Variants in ACTR3B observed in about 807,000 individuals in gnomAD.
ACTR3B encodes actin related protein 3B, also known as actin-related protein 3B.
Under a neutral mutation model 59.0 loss-of-function variants are expected in ACTR3B, and 8 were observed. The ratio of observed to expected loss-of-function variants is 0.14; its 90% confidence interval spans 0.08 to 0.24. The LOEUF is 0.24. Ranked by LOEUF, ACTR3B falls within the 10% of genes least tolerant of loss-of-function variation. The pLI is 1.00. For missense variants in ACTR3B, 245 were observed against 552.3 expected (o/e 0.44, Z 5.58); for synonymous variants, 148 against 197.9 (o/e 0.75, Z 2.12).
rs536432851 is a variant in ACTR3B, at chr7:152,807,326, A to G, written c.336+5595A>G. Among the ~76,000 whole-genome samples the G allele has an allele frequency of 3.0e-3, 462 of 152,122 alleles. 1 individual carries two copies. The highest frequency in any genetic ancestry group is 0.011 in the African/African-American group (444 of 41,500). ...TTTAATCTTTTTACCCATTTTTAAA[A>G]TGATTTTACACCCAATATTATACTC... On this transcript the variant is annotated intron_variant, in intron 4 of 11. Coordinates refer to ENST00000256001, the MANE Select transcript of ACTR3B (RefSeq NM_020445.6).
intron 9 of ACTR3B, among the ~76,000 whole-genome samples, chr7:152,846,195 G>C (rs1798259680): frequency 6.7e-6 from 1 of 149,544 alleles, no homozygotes; most frequent in Non-Finnish European, 1.5e-5. Flanking sequence ...GTAGTCTGTA[G>C]TGAGCCCCAG....
At chr7:152,807,159 G>A (rs1199421073) in intron 4 of ACTR3B, among the ~76,000 whole-genome samples, 1 of 152,056 alleles carries the variant, frequency 6.6e-6, no homozygotes, top group Non-Finnish European at 1.5e-5. Context: ...GCCATAACTC[G>A]GAGTTTAACA....
intron 9 of ACTR3B, among the ~76,000 whole-genome samples, chr7:152,836,335 C>G (rs1306416733): frequency 6.6e-6 from 1 of 151,816 alleles, no homozygotes; most frequent in Non-Finnish European, 1.5e-5. Context: ...GGGGCTCACG[C>G]CTCTGTAATC....
At chr7:152,851,084 A>C (rs987477364) in intron 9 of ACTR3B, among the ~76,000 whole-genome samples, 2 of 152,256 alleles carry the variant, frequency 1.3e-5, no homozygotes, top group African/African-American at 4.8e-5. Flanking sequence ...GAAACTGCAA[A>C]TAGTACCGAA....
intron 9 of ACTR3B, among the ~76,000 whole-genome samples, chr7:152,834,346 G>T (rs1253694739): frequency 5.3e-5 from 8 of 152,054 alleles, no homozygotes; most frequent in African/African-American, 1.9e-4. Context: ...TAGAGACGGG[G>T]TTTCGCCATG....
chr7:152,801,385 C>T (rs940738631), intron 3 of ACTR3B, among the ~76,000 whole-genome samples: 24 of 152,140 alleles, frequency 1.6e-4, no homozygotes, highest in Admixed American at 9.2e-4. Flanking sequence ...GGCCTGCCTC[C>T]GTGTCATTGT....
chr7:152,845,467 A>G (rs1798196288), intron 9 of ACTR3B, among the ~76,000 whole-genome samples: 1 of 152,370 alleles, frequency 6.6e-6, no homozygotes, highest in South Asian at 2.1e-4. Flanking sequence ...GATGGTGCCC[A>G]TGCAGAGTGC....
intron 6 of ACTR3B, among the ~76,000 whole-genome samples, chr7:152,817,906 G>A (rs1481928363): frequency 1.3e-5 from 2 of 152,128 alleles, no homozygotes; most frequent in African/African-American, 4.8e-5. Flanking sequence ...CTTAATGGTC[G>A]ATGGGCCTAC....
intron 1 of ACTR3B, among the ~76,000 whole-genome samples, chr7:152,778,998 TATTTCTTCTGAACTTCTGACCAGTATTAA>T (rs2098143396): frequency 6.9e-6 from 1 of 144,952 alleles, no homozygotes; most frequent in Non-Finnish European, 1.5e-5. Context: ...ACATATGAGT[TATTTCTTCTGAACTTCTGACCAGTATTAA>T]ACTTCAGTAT....
intron 1 of ACTR3B, among the ~76,000 whole-genome samples, chr7:152,778,253 T>C (rs1035029416): frequency 2.7e-5 from 4 of 150,122 alleles, no homozygotes; most frequent in South Asian, 2.1e-4. Context: ...TTACTACTTA[T>C]GTTTTTTTAT....
chr7:152,826,527 A>G (rs1204760782), intron 9 of ACTR3B, among the ~76,000 whole-genome samples: 2 of 152,238 alleles, frequency 1.3e-5, no homozygotes, highest in Non-Finnish European at 2.9e-5. Flanking sequence ...AAGTACAAAG[A>G]AAGGGGAACT....
chr7:152,780,981 T>C (rs2098151208), intron 1 of ACTR3B, among the ~76,000 whole-genome samples: 1 of 151,882 alleles, frequency 6.6e-6, no homozygotes, highest in African/African-American at 2.4e-5. Flanking sequence ...ATCCCCATTT[T>C]ATAGTAACTG....
chr7:152,774,439 ATTTT>A (rs11351793), intron 1 of ACTR3B, among the ~76,000 whole-genome samples: 185 of 148,812 alleles, frequency 1.2e-3, no homozygotes, highest in Non-Finnish European at 2.1e-3. Context: ...CCTGGCCTAC[ATTTT>A]TTTTTTTTAA....
Position 152,823,404 on chromosome 7 carries a change from C to T in ACTR3B, c.747C>T (p.Pro249=), listed in dbSNP as rs762050041. ...VKEFAKYDVD[P]RKWIKQYTGI... ...AATTTGCCAAGTATGATGTGGATCCCCGGAAGTGGATCAAACAGTACACGG... is the reference window on the plus strand; with the variant it reads ...AATTTGCCAAGTATGATGTGGATCCTCGGAAGTGGATCAAACAGTACACGG... The change falls in exon 8 of 12, where the codon CCC becomes CCT. Residue 249 remains proline (P), a synonymous_variant. Coordinates refer to ENST00000256001, the MANE Select transcript of ACTR3B (RefSeq NM_020445.6). 5.6e-6 allele frequency: 9 copies of T among 1,614,082 alleles called. No individual in the cohort carries two copies. The highest frequency in any genetic ancestry group is 3.3e-5 in the South Asian group (3 of 91,086).
At chr7:152,772,303 G>A (rs1307163574) in intron 1 of ACTR3B, among the ~76,000 whole-genome samples, 2 of 148,224 alleles carry the variant, frequency 1.3e-5, no homozygotes, top group Non-Finnish European at 3.0e-5. Flanking sequence ...AGGATTGCTT[G>A]AGCCCAGGAG....
intron 1 of ACTR3B, among the ~76,000 whole-genome samples, chr7:152,773,895 T>C (rs1186478721): frequency 2.6e-5 from 4 of 152,242 alleles, no homozygotes; most frequent in East Asian, 3.9e-4. Context: ...TATTTTGGGC[T>C]GTCCACACTT....
At chr7:152,821,577 C>A (rs79923524) in intron 7 of ACTR3B, among the ~76,000 whole-genome samples, 8,750 of 124,950 alleles carry the variant, frequency 0.07, no homozygotes, top group African/African-American at 0.15. Context: ...AACACTGCCA[C>A]GGAGGGGCTT....
chr7:152,808,140 T>G (rs2098258253), intron 4 of ACTR3B, among the ~76,000 whole-genome samples: 1 of 152,206 alleles, frequency 6.6e-6, no homozygotes, highest in Non-Finnish European at 1.5e-5. Flanking sequence ...TTTGTCCTTT[T>G]GTGACCAGCT....
At chr7:152,809,984 G>C (rs1299316230) in intron 4 of ACTR3B, among the ~76,000 whole-genome samples, 1 of 151,944 alleles carries the variant, frequency 6.6e-6, no homozygotes. Context: ...ATTTTTAACT[G>C]TACAATTTTG....
Sources: allele counts gnomAD v4.1 joint callset (sites outside exome capture counted in the v4.1 genomes callset), GRCh38; gene constraint gnomAD v4.1.1; transcripts MANE v1.5; gene names NCBI Gene and HGNC (gene_info 2026-07-23, HGNC 2026-07-21).